Variants in EPB41L4A observed in about 807,000 individuals in gnomAD.
EPB41L4A encodes erythrocyte membrane protein band 4.1 like 4A.
EPB41L4A carries 100 observed loss-of-function variants against 108.6 expected under a neutral mutation model. That is an observed-to-expected ratio of 0.92 (90% CI 0.78 to 1.09). The LOEUF is 1.09. EPB41L4A is among the 50% of genes least tolerant of loss of function. The pLI is 0.00. For synonymous variants in EPB41L4A, 319 were observed against 289.0 expected, an observed-to-expected ratio of 1.10 and a Z score of -1.05; for missense variants, 1,030 against 842.7, an observed-to-expected ratio of 1.22 and a Z score of -2.75.
At chr5:112,303,249 C>A (rs1295717956) in intron 2 of EPB41L4A, among the ~76,000 whole-genome samples, 1 of 152,114 alleles carries the variant, frequency 6.6e-6, no homozygotes, top group Non-Finnish European at 1.5e-5. Flanking sequence ...GGAAGAGGGG[C>A]CACTACTGAC....
intron 1 of EPB41L4A, among the ~76,000 whole-genome samples, chr5:112,310,689 C>T (rs1431072124): frequency 6.6e-6 from 1 of 152,142 alleles, no homozygotes; most frequent in Admixed American, 6.5e-5. Context: ...AAAAGAGTTT[C>T]TAATGCCAAA....
At chr5:112,289,524 C>A (rs1187785238) in intron 2 of EPB41L4A, among the ~76,000 whole-genome samples, 4 of 152,122 alleles carry the variant, frequency 2.6e-5, no homozygotes, top group Non-Finnish European at 5.9e-5. Flanking sequence ...TGTGTGGTGG[C>A]AGAAGTAACT....
At chr5:112,166,893 C>A (rs1299140605) in intron 22 of EPB41L4A, among the ~76,000 whole-genome samples, 1 of 152,210 alleles carries the variant, frequency 6.6e-6, no homozygotes, top group African/African-American at 2.4e-5. Context: ...ATTGCTCAGA[C>A]CAGTGCTCAA....
chr5:112,247,741 T>C (rs1750354693), intron 9 of EPB41L4A, among the ~76,000 whole-genome samples: 1 of 152,266 alleles, frequency 6.6e-6, no homozygotes, highest in East Asian at 1.9e-4. Context: ...TCCAAAAGTC[T>C]TGGAAGGAGA....
chr5:112,274,535 C>A (rs1286357138), intron 4 of EPB41L4A, among the ~76,000 whole-genome samples: 2 of 152,166 alleles, frequency 1.3e-5, no homozygotes, highest in Non-Finnish European at 2.9e-5. Context: ...AACAAAACCA[C>A]AGGCTACCAA....
downstream of EPB41L4A, among the ~76,000 whole-genome samples, chr5:112,142,222 C>T (rs967148642): frequency 7.2e-5 from 11 of 152,184 alleles, no homozygotes; most frequent in East Asian, 3.9e-4. Flanking sequence ...TCGAATCCCA[C>T]GGGATGGAGT....
At chr5:112,258,244 TG>T (rs1751246143) in intron 9 of EPB41L4A, among the ~76,000 whole-genome samples, 2 of 152,216 alleles carry the variant, frequency 1.3e-5, no homozygotes, top group Admixed American at 1.3e-4. Flanking sequence ...ATCAGCTCAT[TG>T]ATCATTCAAC....
At chr5:112,308,176 C>T (rs961946970) in intron 1 of EPB41L4A, among the ~76,000 whole-genome samples, 1 of 152,140 alleles carries the variant, frequency 6.6e-6, no homozygotes, top group Non-Finnish European at 1.5e-5. Flanking sequence ...ATCTGACATA[C>T]TAAAAATCAA....
chr5:112,168,807 G>C lies in EPB41L4A; in HGVS notation c.1864C>G (p.Leu622Val). The change falls in exon 22 of 23, where the codon CTT becomes GTT. Residue 622 changes from leucine to valine, a missense_variant. Leu to Val is a conservative substitution (Grantham distance 32). Transcript: ENST00000261486. ...VLSEVNSKTD[L>V]VPPLPVTRSS... is the part of the protein sequence containing the mutation. ...CGGGTCACCGGAAGTGGTGGTACAAGATCTGTTTTTGAACTGCAGAGAATG... is the reference window on the plus strand; with the variant it reads ...CGGGTCACCGGAAGTGGTGGTACAACATCTGTTTTTGAACTGCAGAGAATG... 1.2e-6 allele frequency: 2 copies of C among 1,613,948 alleles called. No individual in the cohort carries two copies. The highest frequency in any genetic ancestry group is 1.7e-6 in the Non-Finnish European group (2 of 1,179,828).
At chr5:112,271,889 G>A (rs937884688) in intron 4 of EPB41L4A, among the ~76,000 whole-genome samples, 7 of 152,098 alleles carry the variant, frequency 4.6e-5, no homozygotes, top group Non-Finnish European at 5.9e-5. Context: ...TGTTCTACAC[G>A]GGTGGAGTTC....
chr5:112,324,558 A>G (rs1020266925), intron 1 of EPB41L4A, among the ~76,000 whole-genome samples: 5 of 151,970 alleles, frequency 3.3e-5, no homozygotes, highest in Admixed American at 2.0e-4. Context: ...CCCCATCTCT[A>G]CTAAAAATAC....
chr5:112,181,639 T>G lies in EPB41L4A; in HGVS notation c.1622+2377A>C, dbSNP rs963562572. ...GAATGAATAAAAATATTGCAGTATA[T>G]ACAAAAATTTAAATGACCACTGATA... On this transcript the variant is annotated intron_variant, in intron 18 of 22. Transcript: ENST00000261486. Among the ~76,000 whole-genome samples, 3 of 152,118 alleles carry G rather than the reference T, an allele frequency of 2.0e-5. No individual in the cohort carries two copies. In the East Asian group the frequency reaches 5.8e-4, roughly 29 times the overall value.
At chr5:112,194,825 T>G (rs944499858) in intron 16 of EPB41L4A, among the ~76,000 whole-genome samples, 180 bp from the exon 17 acceptor site, 7 of 152,170 alleles carry the variant, frequency 4.6e-5, no homozygotes, top group Admixed American at 4.6e-4. Context: ...GACATCTGAC[T>G]GAGTCTATAG....
At chr5:112,217,400 C>T (rs761929314) in intron 12 of EPB41L4A, among the ~76,000 whole-genome samples, 6 of 152,134 alleles carry the variant, frequency 3.9e-5, no homozygotes, top group Non-Finnish European at 7.4e-5. Flanking sequence ...AGCCAGATTC[C>T]TGCTTAAGAA....
At chr5:112,314,288 T>C (rs1275977630) in intron 1 of EPB41L4A, among the ~76,000 whole-genome samples, 1 of 151,856 alleles carries the variant, frequency 6.6e-6, no homozygotes, top group Non-Finnish European at 1.5e-5. Flanking sequence ...GGGGCTTCAT[T>C]TCTAAGTCAG....
intron 1 of EPB41L4A, among the ~76,000 whole-genome samples, chr5:112,385,650 G>C (rs984430175): frequency 2.0e-5 from 3 of 152,024 alleles, no homozygotes; most frequent in Non-Finnish European, 4.4e-5. Context: ...CAAGTCAGAA[G>C]AGATAGCCTC....
intron 1 of EPB41L4A, among the ~76,000 whole-genome samples, chr5:112,314,823 A>T (rs1213377445): frequency 1.3e-5 from 2 of 152,128 alleles, no homozygotes; most frequent in African/African-American, 4.8e-5. Flanking sequence ...TGCAAATGAT[A>T]TTAATGCCAT....
chr5:112,158,022 A>G (rs995955619), downstream of EPB41L4A, among the ~76,000 whole-genome samples: 4 of 152,190 alleles, frequency 2.6e-5, no homozygotes, highest in South Asian at 2.1e-4. Flanking sequence ...AGGATTCAGG[A>G]GGCTGAAGCA....
chr5:112,313,397 C>T (rs1755172968), intron 1 of EPB41L4A, among the ~76,000 whole-genome samples: 1 of 152,082 alleles, frequency 6.6e-6, no homozygotes, highest in South Asian at 2.1e-4. Context: ...TGAGACCATC[C>T]TGGCTAACAC....
Sources: allele counts gnomAD v4.1 joint callset (sites outside exome capture counted in the v4.1 genomes callset), GRCh38; gene constraint gnomAD v4.1.1; transcripts MANE v1.5; gene names NCBI Gene and HGNC (gene_info 2026-07-23, HGNC 2026-07-21).